DPP6: variants seen among roughly 807,000 people sequenced by gnomAD.
The protein encoded by DPP6 is dipeptidyl peptidase like 6.
Under a neutral mutation model 122.6 loss-of-function variants are expected in DPP6, and 69 were observed. The ratio of observed to expected loss-of-function variants is 0.56; its 90% confidence interval spans 0.46 to 0.69. The LOEUF is 0.69. DPP6 is among the 30% of genes least tolerant of loss of function. The probability of loss-of-function intolerance (pLI) is 0.00; values close to 1 mark genes in which losing one functional copy is unlikely to be tolerated. For missense variants in DPP6, 928 were observed against 1,116.9 expected (o/e 0.83, Z 2.41); for synonymous variants, 418 against 433.1 (o/e 0.97, Z 0.43).
At chr7:154,107,194 T>C (rs529531193) in intron 1 of DPP6, among the ~76,000 whole-genome samples, 15 of 152,294 alleles carry the variant, frequency 9.8e-5, no homozygotes, top group African/African-American at 3.6e-4. Flanking sequence ...CCTGTGCTCA[T>C]CCACAGATGA....
chr7:154,790,628 A>G (rs1235713372), intron 10 of DPP6, among the ~76,000 whole-genome samples: 2 of 152,150 alleles, frequency 1.3e-5, no homozygotes, highest in Non-Finnish European at 2.9e-5. Context: ...GAAGCACCGT[A>G]TAGAATTAAT....
the DPP6 span, among the ~76,000 whole-genome samples, chr7:153,843,280 G>GCGCACA: frequency 8.8e-6 from 1 of 113,356 alleles, no homozygotes; most frequent in African/African-American, 2.7e-5. Flanking sequence ...ATGCGCGCGC[G>GCGCACA]CACACACACA....
At chr7:154,511,901 A>C (rs1167282029) in intron 3 of DPP6, among the ~76,000 whole-genome samples, 1 of 152,212 alleles carries the variant, frequency 6.6e-6, no homozygotes, top group Non-Finnish European at 1.5e-5. Flanking sequence ...AATTTGTTAA[A>C]ACATTTAAGT....
At chr7:154,597,609 T>TA (rs1554596243) in intron 5 of DPP6, among the ~76,000 whole-genome samples, 1,897 of 147,546 alleles carry the variant, frequency 0.013, 27 homozygotes, top group Middle Eastern at 0.024. Flanking sequence ...TGAGACTCCA[T>TA]AAAAAAAAAA....
chr7:154,541,836 G>T (rs1255618597), intron 4 of DPP6, among the ~76,000 whole-genome samples: 1 of 152,074 alleles, frequency 6.6e-6, no homozygotes, highest in African/African-American at 2.4e-5. Flanking sequence ...GATCCTGAGC[G>T]AGACTTAGAG....
chr7:154,708,047 A>G (rs571187576), intron 7 of DPP6, among the ~76,000 whole-genome samples: 2 of 152,318 alleles, frequency 1.3e-5, no homozygotes, highest in South Asian at 2.1e-4. Flanking sequence ...AGGCCAAAAT[A>G]TAGGGAATGT....
At chr7:154,746,305 A>G (rs1843033503) in intron 8 of DPP6, among the ~76,000 whole-genome samples, 1 of 152,098 alleles carries the variant, frequency 6.6e-6, no homozygotes, top group African/African-American at 2.4e-5. Flanking sequence ...TGATCCTTTG[A>G]CCAAGATATG....
intron 1 of DPP6, among the ~76,000 whole-genome samples, chr7:154,325,439 A>G (rs771579391): frequency 3.3e-5 from 5 of 152,180 alleles, no homozygotes; most frequent in African/African-American, 7.2e-5. Context: ...AGTGCCCACA[A>G]TTCCTTCTGG....
chr7:153,935,050 C>A (rs929680675), intron 1 of DPP6, among the ~76,000 whole-genome samples: 1 of 152,180 alleles, frequency 6.6e-6, no homozygotes, highest in African/African-American at 2.4e-5. Flanking sequence ...CAGGGACCAG[C>A]CCCAGGGATG....
chr7:154,461,868 G>A (rs1411815281), intron 2 of DPP6, among the ~76,000 whole-genome samples: 2 of 152,052 alleles, frequency 1.3e-5, no homozygotes, highest in Admixed American at 6.6e-5. Flanking sequence ...AACTCAATGT[G>A]ATTCCAATTG....
At chr7:154,451,348 G>A in intron 2 of DPP6, among the ~76,000 whole-genome samples, 1 of 127,934 alleles carries the variant, frequency 7.8e-6, no homozygotes, top group African/African-American at 3.2e-5. Context: ...AACAGAGCAA[G>A]AGCCTGTCTC....
chr7:154,885,177 G>A (rs934241756), intron 21 of DPP6: 4 of 159,234 alleles, frequency 2.5e-5, no homozygotes, highest in South Asian at 1.8e-4. Flanking sequence ...CGTCTGTCTC[G>A]TGTCGGCCTT....
chr7:153,917,279 G>A (rs1370453943), intron 1 of DPP6, among the ~76,000 whole-genome samples: 1 of 152,186 alleles, frequency 6.6e-6, no homozygotes, highest in African/African-American at 2.4e-5. Context: ...TATCACAGTT[G>A]GCTTGTGGGA....
chr7:153,975,499 G>T (rs1332645166), intron 1 of DPP6, among the ~76,000 whole-genome samples: 2 of 151,264 alleles, frequency 1.3e-5, no homozygotes, highest in Non-Finnish European at 2.9e-5. Context: ...TGGGTCTACA[G>T]GGAATTAAGG....
At chr7:154,244,942 C>G (rs1462829482) in intron 1 of DPP6, among the ~76,000 whole-genome samples, 3 of 145,466 alleles carry the variant, frequency 2.1e-5, no homozygotes, top group Admixed American at 7.2e-5. Flanking sequence ...AACTGTATAT[C>G]TAAAGGGACT....
chr7:154,269,090 A>G (rs1803623736), intron 1 of DPP6, among the ~76,000 whole-genome samples: 1 of 150,990 alleles, frequency 6.6e-6, no homozygotes, highest in Non-Finnish European at 1.5e-5. Flanking sequence ...GTTAGCTGTC[A>G]TTTTTAAGCC....
intron 1 of DPP6, among the ~76,000 whole-genome samples, chr7:154,147,362 G>T (rs1182354185): frequency 1.3e-5 from 2 of 152,160 alleles, no homozygotes; most frequent in African/African-American, 4.8e-5. Flanking sequence ...AAAGGCAAAA[G>T]TCTCAATGGA....
chr7:154,869,208 A>C (rs1804157654), intron 18 of DPP6, among the ~76,000 whole-genome samples: 1 of 152,142 alleles, frequency 6.6e-6, no homozygotes, highest in African/African-American at 2.4e-5. Flanking sequence ...CTTCCCTGAC[A>C]CGAGACAGCA....
chr7:154,337,558 C>T (rs1809537750), intron 1 of DPP6, among the ~76,000 whole-genome samples: 1 of 152,174 alleles, frequency 6.6e-6, no homozygotes, highest in Non-Finnish European at 1.5e-5. Context: ...AAGGTCTATC[C>T]TTGCACCATC....
Sources: gnomAD v4.1 joint callset for allele counts (sites outside exome capture counted in the v4.1 genomes callset) on GRCh38, gnomAD v4.1.1 for gene constraint, MANE v1.5 for transcripts, NCBI Gene and HGNC (gene_info 2026-07-23, HGNC 2026-07-21) for gene names.